MCF2L2: variants seen among roughly 807,000 people sequenced by gnomAD.
The protein encoded by MCF2L2 is MCF.2 cell line derived transforming sequence-like 2.
A neutral mutation model predicts 150.2 loss-of-function variants in MCF2L2; 102 were observed. The ratio of observed to expected loss-of-function variants is 0.68; its 90% CI spans 0.58 to 0.80. The LOEUF (loss-of-function observed/expected upper bound fraction) is 0.80. Ranked by LOEUF, MCF2L2 falls within the 30% of genes least tolerant of loss-of-function variation. The pLI is 0.00. For synonymous variants in MCF2L2, 465 were observed against 491.3 expected, an observed-to-expected ratio of 0.95 and a Z score of 0.71; for missense variants, 1,256 against 1,372.8, an observed-to-expected ratio of 0.91 and a Z score of 1.34.
At chr3:183,325,957 T>G (rs968797249) in intron 5 of MCF2L2, among the ~76,000 whole-genome samples, 1 of 152,154 alleles carries the variant, frequency 6.6e-6, no homozygotes, top group Non-Finnish European at 1.5e-5. Context: ...TTATAGAAAT[T>G]AACAAACTGA....
At chr3:183,282,683 A>C (rs1727569139) in intron 14 of MCF2L2, among the ~76,000 whole-genome samples, 1 of 152,230 alleles carries the variant, frequency 6.6e-6, no homozygotes, top group African/African-American at 2.4e-5. Context: ...ATCTGATTTT[A>C]AGCTCCATGG....
chr3:183,392,442 GC>G (rs1254157070), intron 1 of MCF2L2, among the ~76,000 whole-genome samples: 3 of 152,084 alleles, frequency 2.0e-5, no homozygotes, highest in Admixed American at 2.0e-4. Flanking sequence ...CATCCCCCCA[GC>G]CCCCGACAAG....
At chr3:183,294,907 C>T (rs748157507) in intron 13 of MCF2L2, among the ~76,000 whole-genome samples, 5 of 152,148 alleles carry the variant, frequency 3.3e-5, no homozygotes, top group African/African-American at 1.2e-4. Context: ...GGATTACAGG[C>T]GTGAGCCACC....
At chr3:183,380,516 C>T (rs1478672938) in intron 2 of MCF2L2, among the ~76,000 whole-genome samples, 2 of 152,184 alleles carry the variant, frequency 1.3e-5, no homozygotes, top group Non-Finnish European at 2.9e-5. Context: ...ATTCTCCTGC[C>T]TCAGCCTCGT....
chr3:183,390,758 A>G (rs940371653), intron 1 of MCF2L2, among the ~76,000 whole-genome samples: 1 of 152,174 alleles, frequency 6.6e-6, no homozygotes, highest in Non-Finnish European at 1.5e-5. Context: ...TTAGCCAAGC[A>G]TGGTGATGTA....
chr3:183,253,958 A>G (rs979329236), intron 15 of MCF2L2: 2 of 151,950 alleles, frequency 1.3e-5, no homozygotes, highest in Non-Finnish European at 2.9e-5. Context: ...TCGGCGGGAT[A>G]CGTCTCCAGG....
intron 25 of MCF2L2, among the ~76,000 whole-genome samples, chr3:183,203,003 G>GT (rs1263666222): frequency 6.6e-6 from 1 of 152,230 alleles, no homozygotes; most frequent in Non-Finnish European, 1.5e-5. Context: ...GAGGTCAGGA[G>GT]TTTGAGACCA....
intron 3 of MCF2L2, among the ~76,000 whole-genome samples, chr3:183,358,972 C>T (rs1711959362): frequency 6.6e-6 from 1 of 150,858 alleles, no homozygotes; most frequent in Admixed American, 6.6e-5. Context: ...AAAGCATCTG[C>T]TGATCATGAA....
At chr3:183,238,990 C>T (rs1459686574) in intron 15 of MCF2L2, among the ~76,000 whole-genome samples, 9 of 104,464 alleles carry the variant, frequency 8.6e-5, no homozygotes, top group African/African-American at 3.2e-4. Context: ...GAGCGATATC[C>T]GTCTCAAAAA....
intron 15 of MCF2L2, chr3:183,272,344 C>T: frequency 3.0e-6 from 3 of 999,978 alleles, no homozygotes; most frequent in Non-Finnish European, 2.4e-6. Context: ...AGTGACTGAA[C>T]TCACTCTAAG....
At chr3:183,262,829 T>C (rs1725744720) in intron 15 of MCF2L2, among the ~76,000 whole-genome samples, 1 of 152,068 alleles carries the variant, frequency 6.6e-6, no homozygotes, top group Admixed American at 6.6e-5. Context: ...TGAAAACTGC[T>C]CAAAGCTAGA....
At chr3:183,329,505 A>C (rs1448993494) in intron 5 of MCF2L2, among the ~76,000 whole-genome samples, 1 of 152,208 alleles carries the variant, frequency 6.6e-6, no homozygotes, top group Non-Finnish European at 1.5e-5. Flanking sequence ...ATCCTTAATC[A>C]CTAAAAACTA....
At position 183,295,309 on chromosome 3, in the gene MCF2L2, A is replaced by T. The variant is rs1577036081; in HGVS notation, c.1666T>A (p.Ser556Thr). The T allele has an allele frequency of 6.2e-7, 1 of 1,606,148 alleles. No individual in the cohort carries two copies. The highest frequency in any genetic ancestry group is 8.5e-7 in the Non-Finnish European group (1 of 1,176,476). Residue 556 changes from serine (S) to threonine (T), a missense_variant, in exon 13 of 30, where the codon TCC (serine) becomes ACC (threonine). Physicochemically the swap from Ser to Thr is moderately conservative, Grantham distance 58 (BLOSUM62 1). Transcript: ENST00000328913. ...TCCTCAAATAACCTACCCGAGGTGG[A>T]GGGCTGGCTGGTTTTTGATGACACC... ...KWVSSKTSQP[S>T]TSVPLARPLR... is the part of the protein sequence containing the mutation.
At chr3:183,417,196 T>C (rs376040184) in intron 1 of MCF2L2, among the ~76,000 whole-genome samples, 1 of 148,642 alleles carries the variant, frequency 6.7e-6, no homozygotes, top group East Asian at 2.0e-4. Flanking sequence ...CATAGGTTAA[T>C]CATTTACATC....
intron 25 of MCF2L2, among the ~76,000 whole-genome samples, chr3:183,201,671 AGTG>A (rs1169691151): frequency 1.3e-5 from 2 of 152,104 alleles, no homozygotes; most frequent in Non-Finnish European, 2.9e-5. Context: ...GTTGAGTAGG[AGTG>A]GTGAGAGAGG....
chr3:183,406,280 A>C (rs2108617021), intron 1 of MCF2L2, among the ~76,000 whole-genome samples: 1 of 152,228 alleles, frequency 6.6e-6, no homozygotes, highest in East Asian at 1.9e-4. Context: ...AGTCACTCTA[A>C]CAGGTACACA....
At chr3:183,311,080 G>A in intron 8 of MCF2L2, 51 bp from the exon 9 acceptor site, 1 of 1,175,078 alleles carries the variant, frequency 8.5e-7, no homozygotes, top group Non-Finnish European at 1.3e-6. Context: ...CATTTCCACA[G>A]GCATCCATAT....
chr3:183,368,837 C>T (rs9790070), intron 3 of MCF2L2, among the ~76,000 whole-genome samples: 48,027 of 152,132 alleles, frequency 0.32, 11,575 homozygotes, highest in African/African-American at 0.67. Flanking sequence ...ACCTGGACTA[C>T]TCTGATTGAT....
intron 27 of MCF2L2, among the ~76,000 whole-genome samples, chr3:183,187,219 C>A (rs184634571): frequency 2.6e-5 from 4 of 152,142 alleles, no homozygotes; most frequent in African/African-American, 7.2e-5. Context: ...ACAACCATGA[C>A]GTGCTATACC....
Sources: gnomAD v4.1 joint callset for allele counts (sites outside exome capture counted in the v4.1 genomes callset) on GRCh38, gnomAD v4.1.1 for gene constraint, MANE v1.5 for transcripts, NCBI Gene and HGNC (gene_info 2026-07-23, HGNC 2026-07-21) for gene names.